The following BDH1 variants were observed in gnomAD, a reference collection of about 807,000 sequenced individuals.
The protein encoded by BDH1 is D-beta-hydroxybutyrate dehydrogenase, mitochondrial.
BDH1 carries 30 observed loss-of-function variants against 33.1 expected under a neutral mutation model. That is an observed-to-expected ratio of 0.91 (90% confidence interval 0.68 to 1.23). The LOEUF (loss-of-function observed/expected upper bound fraction) is 1.23. Among genes scored for constraint, BDH1 ranks in the 50% most tolerant of loss-of-function variants. The pLI is 0.00. For synonymous variants in BDH1, 190 were observed against 183.6 expected, an observed-to-expected ratio of 1.03 and a Z score of -0.28; for missense variants, 443 against 464.4, an observed-to-expected ratio of 0.95 and a Z score of 0.42.
In BDH1 at chr3:197,517,343, C is replaced by A. The variant is rs184205201; in HGVS notation, c.410-2927G>T. Among the ~76,000 whole-genome samples the A allele has an allele frequency of 3.2e-3, 332 of 102,432 alleles. 14 individuals are homozygous for A. Among genetic ancestry groups the A allele is most frequent in the African/African-American group, 0.013 (311 of 24,808 alleles). The allele number at this position is 102,432 out of a possible 152,430, so 67.2% of individuals were successfully genotyped here. Reference sequence around the variant, plus strand: ...TCCTGCTCTATGGTCTCCATCCCCCCCTCAGGCCGACCCCATCAGTCACTT... The same window carrying A: ...TCCTGCTCTATGGTCTCCATCCCCCACTCAGGCCGACCCCATCAGTCACTT... On this transcript the variant is annotated intron_variant, in intron 6 of 7. Coordinates refer to ENST00000392379, the MANE Select transcript of BDH1 (RefSeq NM_203314.3).
intron 1 of BDH1, among the ~76,000 whole-genome samples, chr3:197,572,730 C>A (rs756945768): frequency 6.6e-6 from 1 of 152,074 alleles, no homozygotes; most frequent in African/African-American, 2.4e-5. Context: ...TAGCAAGACC[C>A]CATTTCTAAA....
At chr3:197,533,748 T>C in intron 3 of BDH1, 187 bp from the exon 4 acceptor site, 1 of 595,190 alleles carries the variant, frequency 1.7e-6, no homozygotes, top group Non-Finnish European at 3.0e-6. Context: ...GTATTTGCTA[T>C]GGCTATGTTT....
rs937930975 is a variant in BDH1, at chr3:197,526,345, A to T, written c.268-3564T>A. 4.2e-4 allele frequency among the ~76,000 whole-genome samples: 64 copies of T among 151,998 alleles called. 1 individual carries two copies. Among genetic ancestry groups the T allele is most frequent in the Non-Finnish European group, 1.3e-4 (9 of 67,982 alleles). On this transcript the variant is annotated intron_variant, in intron 5 of 7. Transcript: ENST00000392379. The surrounding 1 kb of genome is among the most constrained non-coding windows in gnomAD (Gnocchi z 4.7). ...TCTCCCCTCCTATTCTTAACTTCTGACCCTTCCAAGGTTGGATCCGGGGCA... is the reference window on the plus strand; with the variant it reads ...TCTCCCCTCCTATTCTTAACTTCTGTCCCTTCCAAGGTTGGATCCGGGGCA...
intron 7 of BDH1, among the ~76,000 whole-genome samples, chr3:197,513,541 G>C (rs1204693854): frequency 6.6e-6 from 1 of 151,932 alleles, no homozygotes; most frequent in Non-Finnish European, 1.5e-5. Flanking sequence ...AGCCCATCCA[G>C]GTGTGTCCCC....
intron 2 of BDH1, among the ~76,000 whole-genome samples, chr3:197,553,540 AAAAAAAG>A (rs1213599384): frequency 6.6e-6 from 1 of 151,698 alleles, no homozygotes; most frequent in African/African-American, 2.4e-5. Flanking sequence ...AAAAAAAAAA[AAAAAAAG>A]AAGAGTTTTA....
chr3:197,569,027 G>T (rs1717521915), intron 1 of BDH1, among the ~76,000 whole-genome samples: 1 of 152,174 alleles, frequency 6.6e-6, no homozygotes, highest in Non-Finnish European at 1.5e-5. Flanking sequence ...TCTAAAAGTA[G>T]CCTAAGATTA....
upstream of BDH1, among the ~76,000 whole-genome samples, chr3:197,559,565 G>A (rs1717194906): frequency 6.6e-6 from 1 of 152,110 alleles, no homozygotes; most frequent in Admixed American, 6.5e-5. Flanking sequence ...CCTTGCTCAG[G>A]CTCTGCTATT....
chr3:197,540,051 C>A (rs891111299), intron 3 of BDH1, among the ~76,000 whole-genome samples: 3 of 152,042 alleles, frequency 2.0e-5, no homozygotes, highest in Non-Finnish European at 4.4e-5. Context: ...AGGGCCACAC[C>A]CTTAGCACTT....
At chr3:197,572,645 G>A (rs1717647912) in intron 1 of BDH1, among the ~76,000 whole-genome samples, 1 of 152,196 alleles carries the variant, frequency 6.6e-6, no homozygotes, top group African/African-American at 2.4e-5. Flanking sequence ...ACTGAGACAG[G>A]AGGATCCCTT....
chr3:197,546,320 A>C (rs1459209421), intron 3 of BDH1, 41 bp downstream of exon 3: 6 of 1,601,074 alleles, frequency 3.7e-6, no homozygotes, highest in Non-Finnish European at 5.1e-6. Context: ...GCCTGCTCAG[A>C]AAGTGTCCCC....
chr3:197,527,434 C>T (rs1468535402), intron 5 of BDH1, among the ~76,000 whole-genome samples: 2 of 152,134 alleles, frequency 1.3e-5, no homozygotes, highest in Non-Finnish European at 2.9e-5. Context: ...CTGGTCTGGT[C>T]CTGCCTTCTT....
In BDH1 at chr3:197,522,969, G is replaced by A. The variant is rs969048369; in HGVS notation, c.268-188C>T. 7 of 609,856 alleles carry A rather than the reference G, an allele frequency of 1.1e-5. No homozygotes were observed. Among genetic ancestry groups the A allele is most frequent in the Admixed American group, 6.3e-5 (2 of 31,744 alleles). The allele number at this position is 609,856 out of a possible 1,614,324, so 37.8% of individuals were successfully genotyped here. A position where few individuals can be genotyped will look rare whatever the true frequency, so the allele number is the denominator to read the frequency against. The stretch of plus-strand genomic sequence containing the variant: ...ATCCTGAGCACTGATGACCTATCAA[G>A]CATCAAGCTATGTGCCACAGACACA... On this transcript the variant is annotated intron_variant, in intron 5 of 7. Transcript: ENST00000392379. The surrounding 1 kb of genome is among the most constrained non-coding windows in gnomAD (Gnocchi z 4.8).
At position 197,525,175 on chromosome 3, in the gene BDH1, A is replaced by G. The variant is rs1713969280; in HGVS notation, c.268-2394T>C. Among the ~76,000 whole-genome samples the G allele has an allele frequency of 6.6e-6, 1 of 152,180 alleles. No homozygotes were observed. Reference sequence around the variant, plus strand: ...TAGGGTGTGATGACGTGGTGCCTGCAGACCCCTCTCTTCCACAGGCGGCAC... The same window carrying G: ...TAGGGTGTGATGACGTGGTGCCTGCGGACCCCTCTCTTCCACAGGCGGCAC... On this transcript the variant is annotated intron_variant, in intron 5 of 7. Transcript: ENST00000392379. This position sits in a 1 kb window ranked among gnomAD's most constrained non-coding sequence, Gnocchi z 4.9.
At position 197,527,427 on chromosome 3, in the gene BDH1, G is replaced by A. The variant is rs1157884266; in HGVS notation, c.268-4646C>T. ...TCAGAGGCACTCATGGACCTTCCTG[G>A]TCTGGTCCTGCCTTCTTTTCCCAGC... On this transcript the variant is annotated intron_variant, in intron 5 of 7. Coordinates refer to ENST00000392379, the MANE Select transcript of BDH1 (RefSeq NM_203314.3). Among the ~76,000 whole-genome samples, 4 of 152,150 alleles carry A rather than the reference G, an allele frequency of 2.6e-5. No homozygotes were observed. In the South Asian group the frequency reaches 8.3e-4, roughly 32 times the overall value.
At chr3:197,544,953 C>T (rs1471156680) in intron 3 of BDH1, among the ~76,000 whole-genome samples, 4 of 152,144 alleles carry the variant, frequency 2.6e-5, no homozygotes, top group African/African-American at 4.8e-5. Context: ...GAGGCTGAGG[C>T]GGGAGAATTG....
intron 1 of BDH1, among the ~76,000 whole-genome samples, chr3:197,561,033 T>C (rs1441643567): frequency 6.6e-6 from 1 of 152,192 alleles, no homozygotes; most frequent in East Asian, 1.9e-4. Context: ...CCTTGGCACA[T>C]GTCATCAGGA....
At chr3:197,563,512 A>G (rs989258796) in intron 1 of BDH1, among the ~76,000 whole-genome samples, 1 of 152,212 alleles carries the variant, frequency 6.6e-6, no homozygotes, top group African/African-American at 2.4e-5. Flanking sequence ...TGATGGTTCC[A>G]TAACTTTAAA....
chr3:197,555,091 G>C (rs1716905238), intron 1 of BDH1, among the ~76,000 whole-genome samples: 2 of 152,246 alleles, frequency 1.3e-5, no homozygotes, highest in African/African-American at 4.8e-5. Context: ...GGCCAGTCCC[G>C]GGCCCACCAC....
intron 6 of BDH1, among the ~76,000 whole-genome samples, chr3:197,519,467 C>T (rs1173804304): frequency 6.6e-6 from 1 of 151,612 alleles, no homozygotes; most frequent in Non-Finnish European, 1.5e-5. Context: ...TTGAGACCAG[C>T]CTGGCCAACC....
Sources: gnomAD v4.1 joint callset for allele counts (sites outside exome capture counted in the v4.1 genomes callset) on GRCh38, gnomAD v4.1.1 for gene constraint, Gnocchi (gnomAD v3.1) non-coding constraint, MANE v1.5 for transcripts, NCBI Gene and HGNC (gene_info 2026-07-23, HGNC 2026-07-21) for gene names.